Variants in SPAST observed in about 807,000 individuals in gnomAD.
SPAST encodes the protein spastic paraplegia 4 (autosomal dominant; spastin).
Under a neutral mutation model 76.6 loss-of-function variants are expected in SPAST, and 30 were observed. The observed-to-expected ratio is 0.39, with a 90% CI of 0.29 to 0.53. The LOEUF is 0.53. SPAST is among the 20% of genes least tolerant of loss of function. The pLI, the probability that SPAST is intolerant of heterozygous loss-of-function variation, is 0.68. For missense variants in SPAST, 717 were observed against 770.5 expected, an observed-to-expected ratio of 0.93 and a Z score of 0.82; for synonymous variants, 305 against 281.0, an observed-to-expected ratio of 1.09 and a Z score of -0.86.
At position 32,155,554 on chromosome 2, in the gene SPAST, A is replaced by G. The variant is rs2148770186; in HGVS notation, c.*1058A>G. On this transcript the variant is annotated 3_prime_UTR_variant, in exon 17 of 17. Transcript: ENST00000315285. ...CTTTAAAAAAACTGAATTTTTATAC[A>G]TGGCATACATTTTTCTAGTTCCTTC... 1 of 152,474 alleles carries G rather than the reference A, an allele frequency of 6.6e-6. No individual in the cohort carries two copies. Among genetic ancestry groups the G allele is most frequent in the African/African-American group, 2.4e-5 (1 of 41,548 alleles). 9.4% of individuals were successfully genotyped at this position (152,474 alleles called of 1,614,324 possible).
Position 32,099,596 on chromosome 2 carries a change from T to C in SPAST, c.682+705T>C, listed in dbSNP as rs777614141. Reference sequence around the variant, plus strand: ...GTACACAGTGATGTTTTGATACATATAGTATATGGTGATTAGATCAAGGTA... The same window carrying C: ...GTACACAGTGATGTTTTGATACATACAGTATATGGTGATTAGATCAAGGTA... On this transcript the variant is annotated intron_variant, in intron 4 of 16. Transcript: ENST00000315285. 2.0e-5 allele frequency among the ~76,000 whole-genome samples: 3 copies of C among 152,182 alleles called. No individual in the cohort carries two copies. The South Asian group carries it at 6.2e-4, about 31-fold the overall frequency.
At chr2:32,141,209 G>A (rs1372333281) in intron 12 of SPAST, among the ~76,000 whole-genome samples, 4 of 152,044 alleles carry the variant, frequency 2.6e-5, no homozygotes, top group African/African-American at 9.7e-5. Flanking sequence ...AAAAATATTG[G>A]TCACTGCAAG....
intron 16 of SPAST, among the ~76,000 whole-genome samples, chr2:32,152,732 G>T (rs967620289): frequency 6.6e-6 from 1 of 151,524 alleles, no homozygotes; most frequent in East Asian, 1.9e-4. Context: ...TTTCTTTGGT[G>T]GGGGGTTGCT....
chr2:32,093,072 C>T (rs1439425786), intron 3 of SPAST, among the ~76,000 whole-genome samples: 2 of 148,860 alleles, frequency 1.3e-5, no homozygotes, highest in East Asian at 2.0e-4. Flanking sequence ...GAGACTGAGG[C>T]GAGCAGATCA....
At chr2:32,092,748 CTATAATCCCA>C (rs1276235473) in intron 3 of SPAST, among the ~76,000 whole-genome samples, 2 of 152,144 alleles carry the variant, frequency 1.3e-5, no homozygotes, top group Non-Finnish European at 2.9e-5. Context: ...TGGCTCACAC[CTATAATCCCA>C]GCACTTTGGG....
At chr2:32,108,111 T>A (rs1257733735) in intron 4 of SPAST, among the ~76,000 whole-genome samples, 1 of 152,124 alleles carries the variant, frequency 6.6e-6, no homozygotes, top group Non-Finnish European at 1.5e-5. Flanking sequence ...AGACAAAGAC[T>A]TCAAAGCAGC....
intron 1 of SPAST, among the ~76,000 whole-genome samples, chr2:32,066,667 T>TG (rs998598294): frequency 3.3e-5 from 5 of 149,974 alleles, no homozygotes; most frequent in South Asian, 2.1e-4. Context: ...GACTCCGTCT[T>TG]GAAAAAAAAA....
chr2:32,098,376 A>C (rs565074407), intron 3 of SPAST, among the ~76,000 whole-genome samples: 5 of 152,136 alleles, frequency 3.3e-5, no homozygotes, highest in Admixed American at 6.6e-5. Context: ...GCAGAAGGAT[A>C]ACTTGAGCTC....
chr2:32,094,861 C>G (rs192416468), intron 3 of SPAST, among the ~76,000 whole-genome samples: 1 of 152,166 alleles, frequency 6.6e-6, no homozygotes, highest in Non-Finnish European at 1.5e-5. Flanking sequence ...CCCAAATACT[C>G]GGGAGGCTGA....
chr2:32,084,410 C>T (rs1558620680), intron 1 of SPAST, among the ~76,000 whole-genome samples: 1 of 151,372 alleles, frequency 6.6e-6, no homozygotes, highest in Non-Finnish European at 1.5e-5. Context: ...GTGATCCACC[C>T]GTCTCGGCCT....
chr2:32,110,249 C>A (rs1278311615), intron 4 of SPAST, among the ~76,000 whole-genome samples: 1 of 148,118 alleles, frequency 6.8e-6, no homozygotes, highest in Admixed American at 6.8e-5. Context: ...CTCCCGAGTA[C>A]CTGGGATTAC....
At chr2:32,151,897 G>A (rs1054662807) in intron 16 of SPAST, among the ~76,000 whole-genome samples, 1 of 149,922 alleles carries the variant, frequency 6.7e-6, no homozygotes, top group African/African-American at 2.5e-5. Context: ...TGCGACAGGA[G>A]CGAGACTCCA....
Position 32,064,118 on chromosome 2 carries a change from C to G in SPAST, c.287C>G (p.Ala96Gly). 3 of 1,596,298 alleles carry G rather than the reference C, an allele frequency of 1.9e-6. No individual in the cohort carries two copies. Among genetic ancestry groups the G allele is most frequent in the Non-Finnish European group, 2.6e-6 (3 of 1,171,842 alleles). The change falls in exon 1 of 17, where the codon GCG becomes GGG. Residue 96 changes from alanine to glycine, a missense_variant. Ala to Gly is a moderately conservative substitution (Grantham distance 60, BLOSUM62 0). This residue lies in a region of SPAST where 543 missense variants were observed against 445.2 expected (regional missense o/e 1.22). Transcript: ENST00000315285. ...LMAAKRSSGA[A>G]PAPASASAPA... ...GCAGCCAAGAGGAGCTCCGGGGCCG[C>G]GCCAGCACCTGCCTCGGCCTCGGCC... is the stretch of plus-strand genomic sequence containing the variant.
intron 7 of SPAST, among the ~76,000 whole-genome samples, chr2:32,117,286 A>G (rs1678872264): frequency 6.6e-6 from 1 of 151,944 alleles, no homozygotes; most frequent in African/African-American, 2.4e-5. Flanking sequence ...AGATAAATAC[A>G]TAAAAATAAA....
At chr2:32,081,676 C>A (rs1036253360) in intron 1 of SPAST, among the ~76,000 whole-genome samples, 1 of 149,788 alleles carries the variant, frequency 6.7e-6, no homozygotes, top group Non-Finnish European at 1.5e-5. Context: ...CCCAGCTACT[C>A]AGGAGGCTGA....
chr2:32,071,045 A>G (rs757301583), intron 1 of SPAST, among the ~76,000 whole-genome samples: 2 of 152,194 alleles, frequency 1.3e-5, no homozygotes, highest in African/African-American at 2.4e-5. Context: ...GCTCCTTGGA[A>G]TATTTGGAGG....
Position 32,064,239 on chromosome 2 carries a change from T to A in SPAST, c.408T>A (p.Asp136Glu). 5 of 1,515,164 alleles carry A rather than the reference T, an allele frequency of 3.3e-6. No homozygotes were observed. Among genetic ancestry groups the A allele is most frequent in the Non-Finnish European group, 4.4e-6 (5 of 1,134,416 alleles). The allele number at this position is 1,515,164 out of a possible 1,614,324, so 93.9% of individuals were successfully genotyped here. ...YISIALRIDEDEKAGQKEQAV... is the reference protein window; with the variant it reads ...YISIALRIDEEEKAGQKEQAV... ...CCATTGCCCTGCGCATCGATGAGGA[T>A]GAGAAAGGTAACTAGGGGGCTGGGG... Residue 136 changes from aspartate to glutamate, a missense_variant, in exon 1 of 17, where the codon GAT becomes GAA. Asp to Glu is a conservative substitution (Grantham distance 45). Transcript: ENST00000315285.
At chr2:32,121,409 G>C (rs1679013728) in intron 7 of SPAST, among the ~76,000 whole-genome samples, 1 of 152,094 alleles carries the variant, frequency 6.6e-6, no homozygotes, top group South Asian at 2.1e-4. Flanking sequence ...CCAAAGTGCT[G>C]GGATTAGAGG....
chr2:32,075,120 A>T (rs940108377), intron 1 of SPAST, among the ~76,000 whole-genome samples: 3 of 152,004 alleles, frequency 2.0e-5, no homozygotes, highest in Non-Finnish European at 4.4e-5. Flanking sequence ...GAAGAACGAG[A>T]GGTATTTAAA....
Sources: allele counts gnomAD v4.1 joint callset (sites outside exome capture counted in the v4.1 genomes callset), GRCh38; gene constraint gnomAD v4.1.1; regional missense constraint gnomAD v4.1.1; transcripts MANE v1.5; gene names NCBI Gene and HGNC (gene_info 2026-07-23, HGNC 2026-07-21).